The following MAP7 variants were observed in gnomAD, a reference collection of about 807,000 sequenced individuals.
The protein encoded by MAP7 is ensconsin.
A neutral mutation model predicts 94.8 loss-of-function variants in MAP7; 52 were observed. The observed-to-expected ratio is 0.55, with a 90% CI of 0.44 to 0.69. MAP7 has a LOEUF of 0.69. MAP7 is among the 30% of genes least tolerant of loss of function. The pLI is 0.00. For missense variants in MAP7, 940 were observed against 964.6 expected, an observed-to-expected ratio of 0.97 and a Z score of 0.34; for synonymous variants, 350 against 357.0, an observed-to-expected ratio of 0.98 and a Z score of 0.22.
intron 1 of MAP7, among the ~76,000 whole-genome samples, chr6:136,524,931 T>C (rs985916546): frequency 6.6e-6 from 1 of 152,200 alleles, no homozygotes; most frequent in African/African-American, 2.4e-5. Context: ...AGAAAACTCA[T>C]AACCCATCTG....
intron 11 of MAP7, 31 bp from the exon 12 acceptor site, chr6:136,361,210 A>G (rs1212291934): frequency 1.1e-5 from 18 of 1,595,486 alleles, no homozygotes; most frequent in Non-Finnish European, 1.5e-5. Flanking sequence ...ACCAAAACCA[A>G]AGACACCTGA....
At position 136,526,573 on chromosome 6, in the gene MAP7, G is replaced by A. The variant is rs1045878875; in HGVS notation, c.67+23769C>T. 3.0e-6 allele frequency: 3 copies of A among 985,404 alleles called. No homozygotes were observed. The Admixed American group carries it at 1.8e-4, about 61-fold the overall frequency. 61.0% of individuals were successfully genotyped at this position (985,404 alleles called of 1,614,324 possible). ...GCTGAGAAGCGGCAGCTTGCAGGATGCTGGGTTCTGGGAACTCACCAGCAG... is the reference window on the plus strand; with the variant it reads ...GCTGAGAAGCGGCAGCTTGCAGGATACTGGGTTCTGGGAACTCACCAGCAG... On this transcript the variant is annotated intron_variant, in intron 1 of 17. Transcript: ENST00000354570.
chr6:136,440,567 T>C (rs1347701980), intron 1 of MAP7, among the ~76,000 whole-genome samples: 1 of 152,250 alleles, frequency 6.6e-6, no homozygotes, highest in African/African-American at 2.4e-5. Context: ...AATTGCATCT[T>C]TACTCACTTA....
At chr6:136,479,685 A>G (rs1812111589) in intron 1 of MAP7, among the ~76,000 whole-genome samples, 1 of 152,356 alleles carries the variant, frequency 6.6e-6, no homozygotes, top group East Asian at 1.9e-4. Context: ...TCAAACATAC[A>G]AAAATCAGTA....
At chr6:136,485,548 A>G (rs932325291) in intron 1 of MAP7, among the ~76,000 whole-genome samples, 3 of 143,326 alleles carry the variant, frequency 2.1e-5, no homozygotes, top group Non-Finnish European at 4.5e-5. Context: ...GATCAATTCC[A>G]CTTCAGATTT....
intron 1 of MAP7, among the ~76,000 whole-genome samples, chr6:136,511,519 T>A (rs1823283387): frequency 6.6e-6 from 1 of 152,066 alleles, no homozygotes; most frequent in South Asian, 2.1e-4. Context: ...AGAGATAGTA[T>A]TATAAAAGAG....
intron 1 of MAP7, among the ~76,000 whole-genome samples, chr6:136,504,411 C>T (rs574753343): frequency 6.6e-6 from 1 of 151,858 alleles, no homozygotes. Flanking sequence ...TGCAGTGGTG[C>T]AATCTTGGCT....
At chr6:136,466,856 C>G in intron 1 of MAP7, 1 of 1,531,900 alleles carries the variant, frequency 6.5e-7, no homozygotes, top group South Asian at 1.2e-5. Flanking sequence ...TGTCCCTCAG[C>G]CAGGCAAAGA....
At chr6:136,485,773 G>A (rs1814518246) in intron 1 of MAP7, among the ~76,000 whole-genome samples, 1 of 151,584 alleles carries the variant, frequency 6.6e-6, no homozygotes, top group Admixed American at 6.6e-5. Context: ...CATTTTAACC[G>A]GGATGGTCTC....
intron 5 of MAP7, among the ~76,000 whole-genome samples, chr6:136,387,253 G>A (rs979229591): frequency 6.6e-6 from 1 of 151,968 alleles, no homozygotes; most frequent in African/African-American, 2.4e-5. Context: ...TGATTGACGG[G>A]GAAAAAAGCT....
chr6:136,506,862 A>T (rs889704783), intron 1 of MAP7, among the ~76,000 whole-genome samples: 6 of 152,228 alleles, frequency 3.9e-5, no homozygotes, highest in Non-Finnish European at 5.9e-5. Flanking sequence ...GGCCAATCCC[A>T]GCGGCCATAC....
At chr6:136,377,709 G>C (rs775685472) in intron 7 of MAP7, 46 bp downstream of exon 7, 27 of 1,393,666 alleles carry the variant, frequency 1.9e-5, no homozygotes, top group Non-Finnish European at 2.8e-5. Flanking sequence ...ATGCTTCAAA[G>C]GGAGGACTTG....
intron 1 of MAP7, among the ~76,000 whole-genome samples, chr6:136,522,001 C>G (rs1440076938): frequency 1.4e-4 from 21 of 152,236 alleles, no homozygotes; most frequent in Admixed American, 1.4e-3. Flanking sequence ...ATTACTTCCA[C>G]AAAACCCCAG....
intron 1 of MAP7, among the ~76,000 whole-genome samples, chr6:136,503,302 G>A (rs540428829): frequency 6.6e-6 from 1 of 151,610 alleles, no homozygotes; most frequent in African/African-American, 2.4e-5. Flanking sequence ...ATGACCAAAA[G>A]GAAGTGAAGC....
intron 16 of MAP7, 136 bp downstream of exon 16, chr6:136,356,556 G>T: frequency 1.5e-6 from 1 of 652,156 alleles, no homozygotes; most frequent in South Asian, 1.9e-5. Context: ...TTGGAGTACA[G>T]AATTACTAGC....
intron 2 of MAP7, among the ~76,000 whole-genome samples, chr6:136,418,745 A>G (rs1339280692): frequency 6.6e-6 from 1 of 151,886 alleles, no homozygotes; most frequent in Non-Finnish European, 1.5e-5. Flanking sequence ...TATATAATGA[A>G]CTTTTTTTTT....
chr6:136,403,833 GCTGCTCTGTTA>G (rs1399166135), intron 3 of MAP7, among the ~76,000 whole-genome samples: 1 of 152,170 alleles, frequency 6.6e-6, no homozygotes, highest in Non-Finnish European at 1.5e-5. Context: ...TCATGATACA[GCTGCTCTGTTA>G]TGTGCTAACA....
chr6:136,408,470 A>G (rs1786314650), intron 3 of MAP7, among the ~76,000 whole-genome samples: 1 of 152,208 alleles, frequency 6.6e-6, no homozygotes, highest in African/African-American at 2.4e-5. Flanking sequence ...CAAGAACAAA[A>G]TAATCAGACC....
At chr6:136,382,790 T>A (rs1336043540) in intron 6 of MAP7, among the ~76,000 whole-genome samples, 1 of 152,138 alleles carries the variant, frequency 6.6e-6, no homozygotes, top group Non-Finnish European at 1.5e-5. Flanking sequence ...TTAAAGATTA[T>A]AAACACTGAA....
Sources: allele counts gnomAD v4.1 joint callset (sites outside exome capture counted in the v4.1 genomes callset), GRCh38; gene constraint gnomAD v4.1.1; transcripts MANE v1.5; gene names NCBI Gene and HGNC (gene_info 2026-07-23, HGNC 2026-07-21).